The following ZP3 variants were observed in gnomAD, a reference collection of about 807,000 sequenced individuals.
ZP3 encodes zona pellucida glycoprotein 3.
Under a neutral mutation model 35.6 loss-of-function variants are expected in ZP3, and 21 were observed. The observed-to-expected ratio is 0.59, with a 90% CI of 0.42 to 0.85. The LOEUF is 0.85. Among genes scored for constraint, ZP3 ranks in the 40% least tolerant of loss-of-function variants. The pLI is 0.00. For missense variants in ZP3, 437 were observed against 536.5 expected (o/e 0.81, Z 1.83); for synonymous variants, 207 against 214.5 (o/e 0.96, Z 0.31).
At chr7:76,420,634 G>A (rs945914275), upstream of ZP3, among the ~76,000 whole-genome samples, 1 of 151,934 alleles carries the variant, frequency 6.6e-6, no homozygotes, top group Non-Finnish European at 1.5e-5. Context: ...TTTTGTTTTA[G>A]CAATTGCTTT....
chr7:76,397,913 C>T (rs1211861502), intron 1 of ZP3: 16 of 1,378,002 alleles, frequency 1.2e-5, no homozygotes, highest in Non-Finnish European at 1.1e-5. Context: ...CCCGGTGTCC[C>T]AGGATCTACA....
chr7:76,432,529 T>G (rs754302927), intron 2 of ZP3, among the ~76,000 whole-genome samples: 18 of 152,244 alleles, frequency 1.2e-4, no homozygotes, highest in Non-Finnish European at 2.6e-4. Context: ...TTGTCCAGGC[T>G]GCTCTCAAAC....
intron 2 of ZP3, 44 bp from the exon 3 acceptor site, chr7:76,432,883 G>A (rs779378156): frequency 5.8e-6 from 9 of 1,554,008 alleles, no homozygotes; most frequent in South Asian, 1.1e-5. Context: ...GCCCAGGTGG[G>A]TGTGACCTGA....
intron 5 of ZP3, among the ~76,000 whole-genome samples, chr7:76,435,841 C>T (rs1805982175): frequency 6.8e-6 from 1 of 147,794 alleles, no homozygotes; most frequent in Admixed American, 6.7e-5. Flanking sequence ...AATTCTGCCT[C>T]AGCCTCCTGA....
intron 1 of ZP3, among the ~76,000 whole-genome samples, chr7:76,404,990 A>C (rs1478644294): frequency 6.6e-6 from 1 of 151,538 alleles, no homozygotes; most frequent in Non-Finnish European, 1.5e-5. Context: ...GAATCTCTTG[A>C]ACCCGGGAGG....
intron 1 of ZP3, among the ~76,000 whole-genome samples, chr7:76,404,830 GA>G (rs966431846): frequency 2.0e-5 from 3 of 151,950 alleles, no homozygotes; most frequent in Non-Finnish European, 2.9e-5. Flanking sequence ...AGCACTTTGG[GA>G]GCCTGAGGGA....
intron 1 of ZP3, among the ~76,000 whole-genome samples, chr7:76,403,539 TG>T (rs1206238141): frequency 6.6e-6 from 1 of 151,870 alleles, no homozygotes; most frequent in Non-Finnish European, 1.5e-5. Flanking sequence ...GGTTTCACCA[TG>T]TTGGCCGGGC....
intron 5 of ZP3, 172 bp from the exon 6 acceptor site, chr7:76,440,078 C>G: frequency 8.1e-7 from 1 of 1,238,900 alleles, no homozygotes; most frequent in Non-Finnish European, 1.1e-6. Context: ...AACTCCTGAC[C>G]TCAGGTGATC....
chr7:76,432,957 GC>G lies in ZP3; in HGVS notation c.465del (p.Thr156ProfsTer15). On this transcript the variant is annotated frameshift_variant, in exon 3 of 8. Coordinates refer to ENST00000394857, the MANE Select transcript of ZP3 (RefSeq NM_001110354.2). LOFTEE classifies it high-confidence loss of function. ...GCAATGTGAGCAGCCAGGCCATCCT[GC>G]CCACCTGGTTGCCCTTCAGGACCAC... ...QGNVSSQAIL[P>X]TWLPFRTTVF... 1 of 1,614,138 alleles carries G rather than the reference GC, an allele frequency of 6.2e-7. No homozygotes were observed. The highest frequency in any genetic ancestry group is 2.2e-5 in the East Asian group (1 of 44,888).
At chr7:76,402,321 A>T (rs767405268) in intron 1 of ZP3, among the ~76,000 whole-genome samples, 38 of 151,796 alleles carry the variant, frequency 2.5e-4, no homozygotes, top group African/African-American at 3.4e-4. Flanking sequence ...TTGGGACTGC[A>T]GGCGCACACC....
intron 2 of ZP3, among the ~76,000 whole-genome samples, chr7:76,430,309 C>T (rs955371263): frequency 1.3e-5 from 2 of 152,324 alleles, no homozygotes; most frequent in South Asian, 2.1e-4. Flanking sequence ...GCATCAAGCA[C>T]GTGCCTGTGA....
chr7:76,432,725 G>A (rs1317988000), intron 2 of ZP3, among the ~76,000 whole-genome samples: 2 of 152,206 alleles, frequency 1.3e-5, no homozygotes, highest in Admixed American at 6.6e-5. Flanking sequence ...GGATGGCTAG[G>A]CCACTCACAG....
chr7:76,409,921 C>T (rs1805195028), intron 1 of ZP3, among the ~76,000 whole-genome samples: 1 of 152,220 alleles, frequency 6.6e-6, no homozygotes, highest in South Asian at 2.1e-4. Context: ...CACATCTCAG[C>T]TGAGGGTTTG....
At chr7:76,424,799 C>T (rs146060444), upstream of ZP3, 133 of 619,126 alleles carry the variant, frequency 2.1e-4, 1 homozygote, top group African/African-American at 1.8e-3. Context: ...TTCTAACAAG[C>T]TCCCAGGTGT....
intron 1 of ZP3, among the ~76,000 whole-genome samples, chr7:76,416,780 CAG>C (rs1805378609): frequency 1.3e-5 from 2 of 151,194 alleles, no homozygotes; most frequent in Non-Finnish European, 2.9e-5. Flanking sequence ...GCCTGGGAAA[CAG>C]AGCAGGATGC....
rs576108492 is a variant in ZP3 at position 76,441,360 on chromosome 7, G to A, written c.1061-482G>A. Among the ~76,000 whole-genome samples the A allele has an allele frequency of 5.2e-3, 785 of 150,466 alleles. 2 individuals are homozygous for A. Among genetic ancestry groups the A allele is most frequent in the Middle Eastern group, 0.017 (5 of 294 alleles). On this transcript the variant is annotated intron_variant, in intron 7 of 7. Coordinates refer to ENST00000394857, the MANE Select transcript of ZP3 (RefSeq NM_001110354.2). ...CCCTCTTGGGTGACCTGCTTTCTCC[G>A]TATGAGAAAGCTGTCTTTTTCTTTT...
intron 1 of ZP3, among the ~76,000 whole-genome samples, chr7:76,427,860 T>C (rs929228752): frequency 2.6e-5 from 4 of 152,140 alleles, no homozygotes; most frequent in Non-Finnish European, 4.4e-5. Context: ...GTTATGTTTT[T>C]GTAGAGATGG....
At chr7:76,418,460 A>G (rs1245860993) in intron 1 of ZP3, among the ~76,000 whole-genome samples, 2 of 150,654 alleles carry the variant, frequency 1.3e-5, no homozygotes, top group East Asian at 4.0e-4. Flanking sequence ...CTGAGGCAGA[A>G]GAATCGCTTG....
At chr7:76,416,026 A>G (rs1031991083) in intron 1 of ZP3, among the ~76,000 whole-genome samples, 6 of 151,902 alleles carry the variant, frequency 3.9e-5, no homozygotes, top group African/African-American at 1.5e-4. Flanking sequence ...GCTACTCAGG[A>G]GGCTGAGGCA....
Sources: allele counts gnomAD v4.1 joint callset (sites outside exome capture counted in the v4.1 genomes callset), GRCh38; gene constraint gnomAD v4.1.1; transcripts MANE v1.5; gene names NCBI Gene and HGNC (gene_info 2026-07-23, HGNC 2026-07-21).